Variants in GRK7 observed in about 807,000 individuals in gnomAD.
GRK7 encodes the protein G protein-coupled receptor kinase 7, also known as rhodopsin kinase GRK7.
Under a neutral mutation model 34.1 loss-of-function variants are expected in GRK7, and 24 were observed. That is an observed-to-expected ratio of 0.70 (90% confidence interval 0.51 to 0.99). The LOEUF is 0.99. Ranked by LOEUF, GRK7 falls within the 50% of genes least tolerant of loss-of-function variation. The probability of loss-of-function intolerance (pLI) is 0.00; values close to 1 mark genes in which losing one functional copy is unlikely to be tolerated. For synonymous variants in GRK7, 256 were observed against 279.4 expected, an observed-to-expected ratio of 0.92 and a Z score of 0.84; for missense variants, 644 against 707.3, an observed-to-expected ratio of 0.91 and a Z score of 1.02.
At chr3:141,807,525 G>C in intron 4 of GRK7, 120 bp from the exon 5 acceptor site, 1 of 884,284 alleles carries the variant, frequency 1.1e-6, no homozygotes, top group South Asian at 1.7e-5. Flanking sequence ...ACAAATTAGG[G>C]TTCCCTCAAC....
At chr3:141,759,568 T>C (rs1486578350), upstream of GRK7, among the ~76,000 whole-genome samples, 1 of 133,860 alleles carries the variant, frequency 7.5e-6, no homozygotes, top group African/African-American at 2.9e-5. Context: ...CAGTATTTTA[T>C]TGAGGATTTT....
At chr3:141,816,306 A>G (rs554743310) in intron 5 of GRK7, among the ~76,000 whole-genome samples, 7 of 152,290 alleles carry the variant, frequency 4.6e-5, no homozygotes, top group Admixed American at 1.3e-4. Context: ...CTGCCTTTTT[A>G]AATGGGAGTG....
At chr3:141,783,637 A>C (rs933676755) in intron 4 of GRK7, among the ~76,000 whole-genome samples, 52 of 152,220 alleles carry the variant, frequency 3.4e-4, no homozygotes, top group African/African-American at 1.2e-3. Context: ...ATTGATCTAG[A>C]AGTAGGGAAT....
At chr3:141,800,900 G>A (rs767947021) in intron 4 of GRK7, among the ~76,000 whole-genome samples, 16 of 152,112 alleles carry the variant, frequency 1.1e-4, no homozygotes, top group Non-Finnish European at 1.6e-4. Context: ...TCATTGAGCT[G>A]AATGTCTAAG....
At position 141,778,564 on chromosome 3, in the gene GRK7, G is replaced by C; in HGVS notation, c.280G>C (p.Glu94Gln). 2.5e-6 allele frequency: 4 copies of C among 1,613,280 alleles called. No homozygotes were observed. Among genetic ancestry groups the C allele is most frequent in the Non-Finnish European group, 2.5e-6 (3 of 1,179,904 alleles). ...ATFLEDVQNW[E>Q]LAEEGPTKDS... ...CTTCCTAGAGGACGTGCAGAACTGG[G>C]AGCTGGCCGAGGAGGGACCCACCAA... Residue 94 changes from glutamate (E) to glutamine (Q), a missense_variant, in exon 3 of 6, where the codon GAG (glutamate) becomes CAG (glutamine). By Grantham distance (29) the Glu-to-Gln change is conservative (BLOSUM62 2). Transcript: ENST00000682958. This position sits in a 1 kb window ranked among gnomAD's most constrained non-coding sequence, Gnocchi z 4.1.
At chr3:141,803,293 G>A (rs949828931) in intron 4 of GRK7, among the ~76,000 whole-genome samples, 3 of 150,408 alleles carry the variant, frequency 2.0e-5, no homozygotes, top group Admixed American at 6.6e-5. Flanking sequence ...AAAGCCAGGC[G>A]TGGTGGTGCA....
At chr3:141,758,864 C>T (rs2084541966), upstream of GRK7, among the ~76,000 whole-genome samples, 1 of 151,496 alleles carries the variant, frequency 6.6e-6, no homozygotes, top group South Asian at 2.1e-4. Context: ...TTGAAGAGGT[C>T]CTTCACATCC....
chr3:141,752,019 T>G, the GRK7 span, among the ~76,000 whole-genome samples: 14 of 152,338 alleles, frequency 9.2e-5, no homozygotes, highest in Middle Eastern at 3.4e-3. Flanking sequence ...AACATGTGCC[T>G]TACTTTACTA....
At chr3:141,784,860 A>G (rs2084688118) in intron 4 of GRK7, among the ~76,000 whole-genome samples, 1 of 152,124 alleles carries the variant, frequency 6.6e-6, no homozygotes, top group Non-Finnish European at 1.5e-5. Flanking sequence ...TGAATAGATG[A>G]ATGGATTAAT....
rs559914925 is a variant in GRK7, at chr3:141,779,882, G to A, written c.613-492G>A. The stretch of plus-strand genomic sequence containing the variant: ...TTTTATGGCTGTATAATATTCCATT[G>A]TATGGATGTACTACATTTCATGTAG... On this transcript the variant is annotated intron_variant, in intron 3 of 5. Transcript: ENST00000682958. Among the ~76,000 whole-genome samples, 11 of 152,302 alleles carry A rather than the reference G, an allele frequency of 7.2e-5. No homozygotes were observed. The South Asian group carries it at 1.2e-3, about 17-fold the overall frequency.
chr3:141,768,241 C>T (rs1020240322), intron 1 of GRK7, among the ~76,000 whole-genome samples: 3 of 151,434 alleles, frequency 2.0e-5, no homozygotes, highest in African/African-American at 4.9e-5. Context: ...ATTTTAACCT[C>T]GCCCTCTAAC....
intron 4 of GRK7, among the ~76,000 whole-genome samples, chr3:141,804,350 T>C (rs959449256): frequency 3.3e-5 from 5 of 152,090 alleles, no homozygotes; most frequent in Non-Finnish European, 7.4e-5. Context: ...CTCAATCCCA[T>C]CTCCCCTCCC....
In GRK7 at chr3:141,778,237, C is replaced by T; in HGVS notation, c.-48C>T. The T allele has an allele frequency of 6.6e-7, 1 of 1,516,710 alleles. No homozygotes were observed. Among genetic ancestry groups the T allele is most frequent in the African/African-American group, 1.4e-5 (1 of 71,864 alleles). 94.0% of individuals were successfully genotyped at this position (1,516,710 alleles called of 1,614,324 possible). On this transcript the variant is annotated 5_prime_UTR_variant, in exon 3 of 6. Transcript: ENST00000682958. The surrounding 1 kb of genome is among the most constrained non-coding windows in gnomAD (Gnocchi z 4.1). ...CCGGGAAGGGAAAGCAGCCAGCAGC[C>T]CTCCAGCCCTCTTGTGCTTTCCCTG...
chr3:141,815,699 CTGTGTGTG>C (rs61336912), intron 5 of GRK7, among the ~76,000 whole-genome samples: 3 of 146,012 alleles, frequency 2.1e-5, no homozygotes, highest in Admixed American at 6.9e-5. Context: ...CTATTTTGAG[CTGTGTGTG>C]TGTGTGTGTG....
At chr3:141,760,567 G>A (rs2084551021), upstream of GRK7, among the ~76,000 whole-genome samples, 1 of 145,920 alleles carries the variant, frequency 6.9e-6, no homozygotes, top group Non-Finnish European at 1.5e-5. Context: ...GGTGTGGTGT[G>A]GTGCTGAAAA....
chr3:141,802,210 A>T (rs1046029633), intron 4 of GRK7, among the ~76,000 whole-genome samples: 2 of 152,104 alleles, frequency 1.3e-5, no homozygotes, highest in Admixed American at 6.5e-5. Context: ...AAAATTAACC[A>T]GGCATGGTGG....
rs1371924170 is a variant in GRK7, at chr3:141,778,484, G to T, written c.200G>T (p.Arg67Leu). The T allele has an allele frequency of 2.5e-6, 4 of 1,613,086 alleles. No individual in the cohort carries two copies. Among genetic ancestry groups the T allele is most frequent in the Non-Finnish European group, 3.4e-6 (4 of 1,179,916 alleles). The change falls in exon 3 of 6, where the codon CGC becomes CTC. Residue 67 changes from arginine (R) to leucine (L), a missense_variant. Coordinates refer to ENST00000682958, the MANE Select transcript of GRK7 (RefSeq NM_139209.3). This position sits in a 1 kb window ranked among gnomAD's most constrained non-coding sequence, Gnocchi z 4.1. ...HSLCEQQPIG[R>L]RLFRDFLATV... is the part of the protein sequence containing the mutation. Reference sequence around the variant, plus strand: ...CTGTGTGAGCAGCAGCCCATCGGTCGCCGCCTCTTCCGTGACTTCCTAGCC... The same window carrying T: ...CTGTGTGAGCAGCAGCCCATCGGTCTCCGCCTCTTCCGTGACTTCCTAGCC...
Position 141,780,814 on chromosome 3 carries a change from G to A in GRK7, c.1050+3G>A, listed in dbSNP as rs1361789932. The A allele has an allele frequency of 1.2e-6, 2 of 1,608,912 alleles. No homozygotes were observed. The highest frequency in any genetic ancestry group is 1.7e-6 in the Non-Finnish European group (2 of 1,176,540). ...GTGGCAAGCCCATCACCCAGAGGGT[G>A]AGTGACTCTCCACCTGCCCCAAGTG... On this transcript the variant is annotated splice_donor_region_variant and intron_variant, in intron 4 of 5. Coordinates refer to ENST00000682958, the MANE Select transcript of GRK7 (RefSeq NM_139209.3).
chr3:141,752,851 A>T, the GRK7 span, among the ~76,000 whole-genome samples: 1 of 152,142 alleles, frequency 6.6e-6, no homozygotes, highest in Non-Finnish European at 1.5e-5. Flanking sequence ...GATGAGAGGG[A>T]TATCTCTCTT....
Sources: gnomAD v4.1 joint callset for allele counts (sites outside exome capture counted in the v4.1 genomes callset) on GRCh38, gnomAD v4.1.1 for gene constraint, Gnocchi (gnomAD v3.1) non-coding constraint, MANE v1.5 for transcripts, NCBI Gene and HGNC (gene_info 2026-07-23, HGNC 2026-07-21) for gene names.